The following ZNF334 variants were observed in gnomAD, a reference collection of about 807,000 sequenced individuals.
ZNF334 encodes zinc finger protein 334.
In ZNF334, 14 loss-of-function variants were observed where a neutral mutation model predicts 12.4. The observed-to-expected ratio is 1.13, with a 90% confidence interval of 0.74 to 1.76. The LOEUF (loss-of-function observed/expected upper bound fraction) is 1.76. ZNF334 is among the 40% of genes most tolerant of loss of function. The pLI, the probability that ZNF334 is intolerant of heterozygous loss-of-function variation, is 0.00. For missense variants in ZNF334, 797 were observed against 804.5 expected (o/e 0.99, Z 0.11); for synonymous variants, 273 against 269.6 (o/e 1.01, Z -0.12).
At chr20:46,496,474 A>G (rs1291871775), downstream of ZNF334, among the ~76,000 whole-genome samples, 2 of 152,218 alleles carry the variant, frequency 1.3e-5, no homozygotes, top group African/African-American at 4.8e-5. Context: ...GGTTGTGGGA[A>G]ACCAACAAGG....
chr20:46,485,430 GTTTT>G, the ZNF334 span: 1 of 142,366 alleles, frequency 7.0e-6, no homozygotes, highest in Non-Finnish European at 1.5e-5. Context: ...GTCACAGAAG[GTTTT>G]TTTTGTTTTT....
chr20:46,501,412 G>A lies in ZNF334; in HGVS notation c.1927C>T (p.Leu643Phe), dbSNP rs769475819. The A allele has an allele frequency of 1.9e-6, 3 of 1,614,046 alleles. No individual in the cohort carries two copies. ...CGKTYRRLWT[L>F]TEHQKIHTGE... ...GTGTGTATTTTCTGATGTTCAGTGA[G>A]AGTCCACAGGCGACGGTAGGTTTTC... Residue 643 changes from leucine (L) to phenylalanine (F), a missense_variant, in exon 5 of 5, where the codon CTC becomes TTC. Leu to Phe is a conservative substitution (Grantham distance 22, BLOSUM62 0). Coordinates refer to ENST00000692313, the MANE Select transcript of ZNF334 (RefSeq NM_001353824.2).
the ZNF334 span, among the ~76,000 whole-genome samples, chr20:46,470,940 CA>C: frequency 2.0e-5 from 3 of 152,116 alleles, no homozygotes; most frequent in Admixed American, 6.6e-5. Context: ...TTCTGGTGAA[CA>C]AAAGCATGAA....
At chr20:46,508,765 C>T (rs1206062457) in intron 2 of ZNF334, among the ~76,000 whole-genome samples, 1 of 152,162 alleles carries the variant, frequency 6.6e-6, no homozygotes, top group Non-Finnish European at 1.5e-5. Context: ...AAGAAATGTC[C>T]CAAGTCCTGT....
chr20:46,490,949 G>A, the ZNF334 span: 1 of 152,536 alleles, frequency 6.6e-6, no homozygotes, highest in African/African-American at 2.4e-5. Context: ...TTATGAATGT[G>A]ATGACTGTGG....
At position 46,501,303 on chromosome 20, in the gene ZNF334, T is replaced by C; in HGVS notation, c.2036A>G (p.Lys679Arg). The C allele has an allele frequency of 2.5e-6, 4 of 1,609,968 alleles. No individual in the cohort carries two copies. The highest frequency in any genetic ancestry group is 3.4e-6 in the Non-Finnish European group (4 of 1,177,712). ...SNFLLHQKSH[K>R]E ...TTATTACTTTGTTGGAACTTATTCC[T>C]TGTGGGATTTCTGATGTAAAAGAAA... The change falls in exon 5 of 5, where the codon AAG becomes AGG. Residue 679 changes from lysine to arginine, a missense_variant. Coordinates refer to ENST00000692313, the MANE Select transcript of ZNF334 (RefSeq NM_001353824.2).
chr20:46,487,464 A>G, the ZNF334 span, among the ~76,000 whole-genome samples: 1 of 152,196 alleles, frequency 6.6e-6, no homozygotes, highest in Non-Finnish European at 1.5e-5. Context: ...CTGGATGAGT[A>G]TAATATTCTT....
rs928810230 is a variant in ZNF334 at position 46,506,379 on chromosome 20, A to C, written c.22-1639T>G. On this transcript the variant is annotated intron_variant, in intron 2 of 4. Coordinates refer to ENST00000692313, the MANE Select transcript of ZNF334 (RefSeq NM_001353824.2). ...GGTGGCGCACACCTATAATCCCAGC[A>C]CTCTGAGAGGTTGAGGTAGGCTGAT... 21 of 568,040 alleles carry C rather than the reference A, an allele frequency of 3.7e-5. No individual in the cohort carries two copies. In the Admixed American group the frequency reaches 3.8e-4, roughly 10 times the overall value. 35.2% of individuals were successfully genotyped at this position (568,040 alleles called of 1,614,324 possible). A position where few individuals can be genotyped will look rare whatever the true frequency, so the allele number is the denominator to read the frequency against.
chr20:46,502,657 T>G lies in ZNF334; in HGVS notation c.682A>C (p.Lys228Gln). 1 of 1,612,700 alleles carries G rather than the reference T, an allele frequency of 6.2e-7. No homozygotes were observed. The highest frequency in any genetic ancestry group is 8.5e-7 in the Non-Finnish European group (1 of 1,179,988). ...GGTTTCCTTTCAGTCTGTCTCCCCT[T>G]TTGTGTAATGAGAATTGCCCTCTTG... ...FFKRAILITQ[K>Q]GRQTERKPNE... Residue 228 changes from lysine to glutamine, a missense_variant, in exon 5 of 5, where the codon AAG becomes CAG. Physicochemically the swap from Lys to Gln is moderately conservative, Grantham distance 53 (BLOSUM62 1). Transcript: ENST00000692313.
intron 2 of ZNF334, among the ~76,000 whole-genome samples, chr20:46,508,302 A>T (rs1321761669): frequency 3.3e-5 from 5 of 152,232 alleles, no homozygotes; most frequent in Non-Finnish European, 5.9e-5. Flanking sequence ...ACATGTGCCT[A>T]CACCTTTAAA....
chr20:46,471,048 A>T, the ZNF334 span, among the ~76,000 whole-genome samples: 2 of 152,346 alleles, frequency 1.3e-5, no homozygotes, highest in African/African-American at 4.8e-5. Flanking sequence ...TCTTTCTGGA[A>T]ATTGTAAAAA....
At chr20:46,463,884 G>T in the ZNF334 span, 4 of 454,512 alleles carry the variant, frequency 8.8e-6, no homozygotes, top group African/African-American at 6.0e-5. Flanking sequence ...CACATGCCAC[G>T]CAAGGTGGCT....
rs1355802499 is a variant in ZNF334, at chr20:46,502,233, C to A, written c.1106G>T (p.Arg369Ile). The A allele has an allele frequency of 1.1e-5, 17 of 1,613,952 alleles. No homozygotes were observed. The highest frequency in any genetic ancestry group is 1.4e-5 in the Non-Finnish European group (17 of 1,180,014). Residue 369 changes from arginine to isoleucine, a missense_variant, in exon 5 of 5, where the codon AGA (arginine) becomes ATA (isoleucine). Coordinates refer to ENST00000692313, the MANE Select transcript of ZNF334 (RefSeq NM_001353824.2). ...SKKSYLVVHQRTHRGEKPNEC... is the reference protein window; with the variant it reads ...SKKSYLVVHQITHRGEKPNEC... ...ATTTGGCTTCTCTCCTCTGTGAGTT[C>A]TTTGATGTACAACAAGATACGATTT...
At chr20:46,499,237 G>C (rs2061078220), downstream of ZNF334, among the ~76,000 whole-genome samples, 1 of 135,166 alleles carries the variant, frequency 7.4e-6, no homozygotes, top group African/African-American at 2.8e-5. Context: ...ACAAGCTACA[G>C]AATTATCAGA....
At chr20:46,504,921 G>A in intron 2 of ZNF334, 181 bp from the exon 3 acceptor site, 1 of 527,158 alleles carries the variant, frequency 1.9e-6, no homozygotes, top group East Asian at 3.1e-5. Flanking sequence ...TTTTAAAAAT[G>A]TGCTGAGCTT....
At position 46,503,542 on chromosome 20, in the gene ZNF334, G is replaced by C. The variant is rs149038451; in HGVS notation, c.242-445C>G. 3.4e-4 allele frequency among the ~76,000 whole-genome samples: 52 copies of C among 152,324 alleles called. 1 individual carries two copies. Among genetic ancestry groups the C allele is most frequent in the African/African-American group, 1.2e-3 (50 of 41,582 alleles). On this transcript the variant is annotated intron_variant, in intron 4 of 4. Coordinates refer to ENST00000692313, the MANE Select transcript of ZNF334 (RefSeq NM_001353824.2). The stretch of plus-strand genomic sequence containing the variant: ...GACCAGGTACAACAGATATCAGAAA[G>C]ATGGTCAGTTATTATCAAAACACAC...
chr20:46,504,190 C>A, intron 4 of ZNF334, 24 bp downstream of exon 4: 2 of 1,530,034 alleles, frequency 1.3e-6, no homozygotes, highest in East Asian at 4.5e-5. Flanking sequence ...ATTGGTTCCA[C>A]CTGCTCAGTT....
At chr20:46,509,417 A>C (rs2061560211) in intron 2 of ZNF334, among the ~76,000 whole-genome samples, 1 of 152,154 alleles carries the variant, frequency 6.6e-6, no homozygotes, top group African/African-American at 2.4e-5. Context: ...AAACAATGAG[A>C]TATGAGAGGC....
At position 46,504,657 on chromosome 20, in the gene ZNF334, G is replaced by C; in HGVS notation, c.105C>G (p.Tyr35Ter). The change falls in exon 3 of 5, where the codon TAC (tyrosine) becomes TAG (stop). Residue 35 changes from tyrosine to a stop codon, truncating the protein, a stop_gained. Coordinates refer to ENST00000692313, the MANE Select transcript of ZNF334 (RefSeq NM_001353824.2). LOFTEE classifies it high-confidence loss of function. ...TGTAGTTCTCCAGCATCACATCCCT[G>C]TACAGGAGCCTCTGAGCAGGGTCCA... is the stretch of plus-strand genomic sequence containing the variant. ...QQLDPAQRLL[Y>*]RDVMLENYSN... 3.1e-6 allele frequency: 5 copies of C among 1,612,396 alleles called. No individual in the cohort carries two copies. Among genetic ancestry groups the C allele is most frequent in the Non-Finnish European group, 3.4e-6 (4 of 1,179,308 alleles).
Sources: allele counts gnomAD v4.1 joint callset (sites outside exome capture counted in the v4.1 genomes callset), GRCh38; gene constraint gnomAD v4.1.1; transcripts MANE v1.5; gene names NCBI Gene and HGNC (gene_info 2026-07-23, HGNC 2026-07-21).